NCKAP5: variants seen among roughly 807,000 people sequenced by gnomAD.
The protein encoded by NCKAP5 is nck-associated protein 5.
Under a neutral mutation model 167.0 loss-of-function variants are expected in NCKAP5, and 92 were observed. The ratio of observed to expected loss-of-function variants is 0.55; its 90% confidence interval spans 0.47 to 0.66. NCKAP5 has a LOEUF of 0.66. NCKAP5 is among the 30% of genes least tolerant of loss of function. The pLI, the probability that NCKAP5 is intolerant of heterozygous loss-of-function variation, is 0.00. For missense variants in NCKAP5, 2,378 were observed against 2,315.0 expected (o/e 1.03, Z -0.56); for synonymous variants, 891 against 877.4 (o/e 1.02, Z -0.27).
chr2:132,994,935 A>G (rs1165125818), intron 6 of NCKAP5, among the ~76,000 whole-genome samples: 1 of 152,164 alleles, frequency 6.6e-6, no homozygotes, highest in African/African-American at 2.4e-5. Context: ...TAAAACAATA[A>G]TATTTGTGTA....
intron 5 of NCKAP5, among the ~76,000 whole-genome samples, chr2:133,190,145 G>C (rs2085146216): frequency 6.6e-6 from 1 of 152,078 alleles, no homozygotes; most frequent in Non-Finnish European, 1.5e-5. Context: ...CAAACAGAGA[G>C]CCAAATCATG....
intron 4 of NCKAP5, among the ~76,000 whole-genome samples, chr2:133,298,142 A>G (rs535883187): frequency 7.9e-5 from 12 of 152,248 alleles, no homozygotes; most frequent in Admixed American, 1.3e-4. Flanking sequence ...AACAACCATC[A>G]TAAAGCCTGT....
chr2:133,105,216 GA>G (rs1230696384), intron 6 of NCKAP5, among the ~76,000 whole-genome samples: 1 of 152,110 alleles, frequency 6.6e-6, no homozygotes, highest in Non-Finnish European at 1.5e-5. Context: ...AATTGTTCAT[GA>G]AAAAATGTAT....
chr2:132,976,006 G>A (rs1335157762), intron 7 of NCKAP5, among the ~76,000 whole-genome samples: 2 of 152,144 alleles, frequency 1.3e-5, no homozygotes, highest in African/African-American at 4.8e-5. Flanking sequence ...GCAGCCATGT[G>A]TCTGAGATTC....
At chr2:133,253,529 C>T (rs943740464) in intron 4 of NCKAP5, among the ~76,000 whole-genome samples, 24 of 152,110 alleles carry the variant, frequency 1.6e-4, no homozygotes, top group Non-Finnish European at 3.1e-4. Context: ...CCTTTCAATG[C>T]CCCCATGCCT....
At chr2:133,674,734 C>G in the NCKAP5 span, among the ~76,000 whole-genome samples, 2 of 152,118 alleles carry the variant, frequency 1.3e-5, no homozygotes, top group South Asian at 2.1e-4. Context: ...ATTGCTTTCT[C>G]TTTCATTCGA....
chr2:133,093,227 C>T (rs1291449580), intron 6 of NCKAP5, among the ~76,000 whole-genome samples: 1 of 152,098 alleles, frequency 6.6e-6, no homozygotes, highest in African/African-American at 2.4e-5. Flanking sequence ...AAAACAAAGG[C>T]CTAAACCCTA....
At chr2:133,152,161 A>C (rs976053856) in intron 5 of NCKAP5, among the ~76,000 whole-genome samples, 1 of 152,184 alleles carries the variant, frequency 6.6e-6, no homozygotes, top group South Asian at 2.1e-4. Flanking sequence ...AGAATTACAA[A>C]GACTTTTAAA....
chr2:133,597,019 G>A, the NCKAP5 span, among the ~76,000 whole-genome samples: 1 of 152,168 alleles, frequency 6.6e-6, no homozygotes, highest in African/African-American at 2.4e-5. Context: ...CATTGCAAAG[G>A]CTTTTCAGTT....
chr2:133,321,412 C>T (rs561268033), intron 3 of NCKAP5, among the ~76,000 whole-genome samples: 1 of 152,290 alleles, frequency 6.6e-6, no homozygotes, highest in South Asian at 2.1e-4. Context: ...GAAGACTGCA[C>T]CTGAACATTC....
intron 8 of NCKAP5, among the ~76,000 whole-genome samples, chr2:132,909,285 G>A (rs1694251074): frequency 6.6e-6 from 1 of 152,144 alleles, no homozygotes; most frequent in African/African-American, 2.4e-5. Context: ...GGTGGAGGTT[G>A]CTGTGAACTG....
the NCKAP5 span, among the ~76,000 whole-genome samples, chr2:133,641,019 C>A: frequency 6.6e-6 from 1 of 152,154 alleles, no homozygotes. Context: ...TCTCTTTATC[C>A]CCATTCAGCA....
At chr2:132,896,738 T>C (rs1319253619) in intron 8 of NCKAP5, among the ~76,000 whole-genome samples, 1 of 152,224 alleles carries the variant, frequency 6.6e-6, no homozygotes, top group East Asian at 1.9e-4. Flanking sequence ...AGGTATTTTA[T>C]ACCTAGATGA....
intron 11 of NCKAP5, among the ~76,000 whole-genome samples, chr2:132,831,758 T>A (rs1171943406): frequency 6.6e-6 from 1 of 152,120 alleles, no homozygotes; most frequent in East Asian, 1.9e-4. Context: ...TATCATTTTT[T>A]TCCTTTGTAG....
In NCKAP5 at chr2:132,732,010, T is replaced by TTCCGATCCCACTG; in HGVS notation, c.5157_5169dup (p.Thr1724GlnfsTer30). ...TTTCCCGAGTCTGGGAGTGGAAAGG[T>TTCCGATCCCACTG]TCCGATCCCACTGTCCAATGTTCTC... is the stretch of plus-strand genomic sequence containing the variant. On this transcript the variant is annotated frameshift_variant, in exon 17 of 20. Coordinates refer to ENST00000409261, the MANE Select transcript of NCKAP5 (RefSeq NM_207363.3). LOFTEE classifies it high-confidence loss of function. The TTCCGATCCCACTG allele has an allele frequency of 1.9e-6, 3 of 1,613,628 alleles. No individual in the cohort carries two copies. Among genetic ancestry groups the TTCCGATCCCACTG allele is most frequent in the Non-Finnish European group, 2.5e-6 (3 of 1,179,798 alleles).
At chr2:133,095,943 C>CT in intron 6 of NCKAP5, among the ~76,000 whole-genome samples, 1 of 152,082 alleles carries the variant, frequency 6.6e-6, no homozygotes. Context: ...ACACGGTGGA[C>CT]ACATGGCCTC....
chr2:133,430,093 A>G (rs911914834), intron 3 of NCKAP5, among the ~76,000 whole-genome samples: 1 of 151,950 alleles, frequency 6.6e-6, no homozygotes, highest in African/African-American at 2.4e-5. Context: ...ATTGTTTCAT[A>G]TGTTTGTCGG....
At chr2:133,002,669 G>T (rs1026814597) in intron 6 of NCKAP5, among the ~76,000 whole-genome samples, 1 of 152,060 alleles carries the variant, frequency 6.6e-6, no homozygotes, top group African/African-American at 2.4e-5. Flanking sequence ...GCCTTGACCC[G>T]TCCCTTGCCT....
intron 16 of NCKAP5, among the ~76,000 whole-genome samples, chr2:132,734,326 G>T (rs1049912014): frequency 5.3e-5 from 8 of 152,154 alleles, no homozygotes; most frequent in South Asian, 2.1e-4. Context: ...CAACACTTCA[G>T]ATTTACATGT....
Sources: gnomAD v4.1 joint callset for allele counts (sites outside exome capture counted in the v4.1 genomes callset) on GRCh38, gnomAD v4.1.1 for gene constraint, MANE v1.5 for transcripts, NCBI Gene and HGNC (gene_info 2026-07-23, HGNC 2026-07-21) for gene names.